WDR46: variants seen among roughly 807,000 people sequenced by gnomAD.
WDR46 encodes WD repeat-containing protein 46.
WDR46 carries 58 observed loss-of-function variants against 74.7 expected under a neutral mutation model. The ratio of observed to expected loss-of-function variants is 0.78; its 90% CI spans 0.63 to 0.97. The LOEUF (loss-of-function observed/expected upper bound fraction) is 0.97. Among genes scored for constraint, WDR46 ranks in the 50% least tolerant of loss-of-function variants. The pLI, the probability that WDR46 is intolerant of heterozygous loss-of-function variation, is 0.00. For missense variants in WDR46, 702 were observed against 790.1 expected (o/e 0.89, Z 1.34); for synonymous variants, 278 against 297.3 (o/e 0.93, Z 0.67).
In WDR46 at chr6:33,288,184, G is replaced by A; in HGVS notation, c.525C>T (p.Asp175=). 2 of 1,614,210 alleles carry A rather than the reference G, an allele frequency of 1.2e-6. No individual in the cohort carries two copies. The highest frequency in any genetic ancestry group is 1.7e-6 in the Non-Finnish European group (2 of 1,180,032). Residue 175 remains aspartate (D), a synonymous_variant, in exon 5 of 15, where the codon GAC becomes GAT. Coordinates refer to ENST00000374617, the MANE Select transcript of WDR46 (RefSeq NM_005452.6). ...TTGCAATGTCCACAGCCTCCACAATGTCAGCCTGGCATATCTTTGCTGTGT... is the reference window on the plus strand; with the variant it reads ...TTGCAATGTCCACAGCCTCCACAATATCAGCCTGGCATATCTTTGCTGTGT... The part of the protein sequence containing the change: ...GEDTAKICQA[D]IVEAVDIASA...
chr6:33,281,745 G>C (rs1766203913), intron 10 of WDR46, among the ~76,000 whole-genome samples: 1 of 152,216 alleles, frequency 6.6e-6, no homozygotes, highest in Non-Finnish European at 1.5e-5. Context: ...GCCCCTCTGT[G>C]TGCTTTCCCT....
At chr6:33,288,566 A>G in intron 3 of WDR46, 48 bp downstream of exon 3, 2 of 1,610,584 alleles carry the variant, frequency 1.2e-6, no homozygotes, top group Non-Finnish European at 1.7e-6. Context: ...CAACTCACCC[A>G]GACACTCCCT....
chr6:33,280,886 T>C lies in WDR46; in HGVS notation c.1217A>G (p.His406Arg), dbSNP rs1766117589. Residue 406 changes from histidine (H) to arginine (R), a missense_variant, in exon 11 of 15, where the codon CAC becomes CGC. Transcript: ENST00000374617. The part of the protein sequence containing the change: ...STRTLPHGAG[H>R]LAFSQRGLLV... ...CAGTCCCCTCTGGGAGAAGGCCAGG[T>C]GCCCTGCTCCATGGGGCAGGGTCCG... 6.2e-7 allele frequency: 1 copy of C among 1,614,192 alleles called. No individual in the cohort carries two copies. The highest frequency in any genetic ancestry group is 8.5e-7 in the Non-Finnish European group (1 of 1,180,032).
At position 33,287,180 on chromosome 6, in the gene WDR46, A is replaced by G. The variant is rs1269794871; in HGVS notation, c.926T>C (p.Ile309Thr). Residue 309 changes from isoleucine (I) to threonine (T), a missense_variant, in exon 9 of 15, where the codon ATT becomes ACT. Physicochemically the swap from Ile to Thr is moderately conservative, Grantham distance 89 (BLOSUM62 -1). Transcript: ENST00000374617. ...AGCTCGAGCATTCAGAGCTGCCACA[A>G]TCTTCCCCACTGACACATCCAGGTA... Reference protein sequence around the residue: ...LTYLDVSVGKIVAALNARAGR... With the variant: ...LTYLDVSVGKTVAALNARAGR... The G allele has an allele frequency of 6.2e-6, 10 of 1,613,638 alleles. No individual in the cohort carries two copies. The highest frequency in any genetic ancestry group is 8.5e-6 in the Non-Finnish European group (10 of 1,179,962).
intron 10 of WDR46, among the ~76,000 whole-genome samples, chr6:33,281,885 G>A (rs1766219536): frequency 6.6e-6 from 1 of 152,222 alleles, no homozygotes; most frequent in Non-Finnish European, 1.5e-5. Context: ...CCAAGCTGGA[G>A]TGCAGTGGCA....
At position 33,289,018 on chromosome 6, in the gene WDR46, A is replaced by G; in HGVS notation, c.70-5T>C. 2.5e-6 allele frequency: 4 copies of G among 1,613,874 alleles called. No individual in the cohort carries two copies. Among genetic ancestry groups the G allele is most frequent in the Non-Finnish European group, 3.4e-6 (4 of 1,179,890 alleles). ...CTCCCAGTATCGCCGCGGTTTCTAC[A>G]GGCACATCAGGAACTCCGCACTCAC... On this transcript the variant is annotated splice_polypyrimidine_tract_variant and splice_region_variant and intron_variant, in intron 1 of 14. Transcript: ENST00000374617.
Position 33,289,030 on chromosome 6 carries a change from A to G in WDR46, c.70-17T>C. ...CCGCGGTTTCTACAGGCACATCAGG[A>G]ACTCCGCACTCACGCCCCGCCCCCC... On this transcript the variant is annotated splice_polypyrimidine_tract_variant and intron_variant, in intron 1 of 14. Transcript: ENST00000374617. The G allele has an allele frequency of 1.2e-6, 2 of 1,612,690 alleles. No individual in the cohort carries two copies. The highest frequency in any genetic ancestry group is 1.3e-5 in the African/African-American group (1 of 74,834).
At position 33,288,894 on chromosome 6, in the gene WDR46, G is replaced by A. The variant is rs370125300; in HGVS notation, c.189C>T (p.Ile63=). 2 of 1,614,096 alleles carry A rather than the reference G, an allele frequency of 1.2e-6. No individual in the cohort carries two copies. Among genetic ancestry groups the A allele is most frequent in the Non-Finnish European group, 1.7e-6 (2 of 1,180,020 alleles). Residue 63 remains isoleucine, a synonymous_variant, in exon 2 of 15, where the codon ATC becomes ATT. Coordinates refer to ENST00000374617, the MANE Select transcript of WDR46 (RefSeq NM_005452.6). ...TCTTAGAGATCCGAGACTTCTTTAA[G>A]ATGTAAGCATTTTTTGGTCTCTGAG... is the stretch of plus-strand genomic sequence containing the variant. ...LRPQRPKNAY[I]LKKSRISKKP...
intron 10 of WDR46, among the ~76,000 whole-genome samples, chr6:33,282,757 G>C (rs1008976627): frequency 3.3e-5 from 5 of 151,988 alleles, no homozygotes; most frequent in African/African-American, 1.2e-4. Flanking sequence ...CCTAAGCACA[G>C]GAGTGGCTGA....
chr6:33,286,913 C>T lies in WDR46; in HGVS notation c.1016-19G>A. On this transcript the variant is annotated intron_variant, in intron 9 of 14. Coordinates refer to ENST00000374617, the MANE Select transcript of WDR46 (RefSeq NM_005452.6). ...ACAGTACCTGGAAGAGAAGAAGAAC[C>T]AAAGTTGCTAATACACACCTAAGCC... 6.2e-7 allele frequency: 1 copy of T among 1,613,342 alleles called. No individual in the cohort carries two copies. The highest frequency in any genetic ancestry group is 8.5e-7 in the Non-Finnish European group (1 of 1,179,434).
intron 9 of WDR46, 48 bp downstream of exon 9, chr6:33,287,043 G>C: frequency 6.3e-7 from 1 of 1,596,288 alleles, no homozygotes; most frequent in Non-Finnish European, 8.5e-7. Context: ...AAATATAGAA[G>C]AAAAGCAAGT....
At position 33,288,902 on chromosome 6, in the gene WDR46, C is replaced by A; in HGVS notation, c.181G>T (p.Ala61Ser). The stretch of plus-strand genomic sequence containing the variant: ...ATCCGAGACTTCTTTAAGATGTAAG[C>A]ATTTTTTGGTCTCTGAGGACGGAGC... ...RELRPQRPKN[A>S]YILKKSRISK... is the part of the protein sequence containing the mutation. The change falls in exon 2 of 15, where the codon GCT (alanine) becomes TCT (serine). Residue 61 changes from alanine to serine, a missense_variant. Ala to Ser is a moderately conservative substitution (Grantham distance 99). Coordinates refer to ENST00000374617, the MANE Select transcript of WDR46 (RefSeq NM_005452.6). 1.2e-6 allele frequency: 2 copies of A among 1,614,126 alleles called. No homozygotes were observed. The highest frequency in any genetic ancestry group is 1.7e-5 in the Admixed American group (1 of 60,004).
In WDR46 at chr6:33,288,669, G is replaced by A. The variant is rs1229388736; in HGVS notation, c.305C>T (p.Ala102Val). Residue 102 changes from alanine to valine, a missense_variant, in exon 3 of 15, where the codon GCC (alanine) becomes GTC (valine). By Grantham distance (64) the Ala-to-Val change is moderately conservative. Coordinates refer to ENST00000374617, the MANE Select transcript of WDR46 (RefSeq NM_005452.6). The part of the protein sequence containing the change: ...SGTQDPFPGP[A>V]PVPVEVVQKF... Reference sequence around the variant, plus strand: ...CTGGACCACTTCCACAGGGACGGGGGCGGGGCCTGGGAATGGATCTTGGGT... The same window carrying A: ...CTGGACCACTTCCACAGGGACGGGGACGGGGCCTGGGAATGGATCTTGGGT... 12 of 1,612,612 alleles carry A rather than the reference G, an allele frequency of 7.4e-6. No individual in the cohort carries two copies. The highest frequency in any genetic ancestry group is 1.0e-5 in the Non-Finnish European group (12 of 1,179,132).
intron 10 of WDR46, 121 bp downstream of exon 10, chr6:33,286,674 G>C: frequency 2.2e-6 from 2 of 914,144 alleles, no homozygotes; most frequent in Non-Finnish European, 3.4e-6. Flanking sequence ...CCCATCCGTG[G>C]TAACACTGCG....
intron 12 of WDR46, 146 bp downstream of exon 12, chr6:33,280,276 ACCTTCT>A: frequency 7.3e-6 from 5 of 684,376 alleles, no homozygotes; most frequent in Non-Finnish European, 7.4e-6. Context: ...GGGGAACCTG[ACCTTCT>A]CCAGCAGTGG....
intron 5 of WDR46, 41 bp from the exon 6 acceptor site, chr6:33,288,067 A>G (rs765435785): frequency 1.2e-6 from 2 of 1,613,956 alleles, no homozygotes; most frequent in Admixed American, 3.3e-5. Context: ...GCCCTGCAGT[A>G]ACGCCTTCTT....
In WDR46 at chr6:33,286,803, A is replaced by T. The variant is rs753783282; in HGVS notation, c.1107T>A (p.Ser369=). 1 of 1,614,106 alleles carries T rather than the reference A, an allele frequency of 6.2e-7. No individual in the cohort carries two copies. Among genetic ancestry groups the T allele is most frequent in the Non-Finnish European group, 8.5e-7 (1 of 1,180,022 alleles). The part of the protein sequence containing the change: ...RGGVRAVAVD[S]TGTYMATSGL... ...CCCCACCAGTGACTTACGTGCCTGT[A>T]GAATCTACTGCCACAGCCCGGACCC... The change falls in exon 10 of 15, where the codon TCT becomes TCA. Residue 369 remains serine (S), a synonymous_variant. Transcript: ENST00000374617.
At chr6:33,282,877 T>C (rs1766305012) in intron 10 of WDR46, among the ~76,000 whole-genome samples, 1 of 152,158 alleles carries the variant, frequency 6.6e-6, no homozygotes, top group African/African-American at 2.4e-5. Flanking sequence ...GGTATAAATA[T>C]GGAGTAAAAA....
At chr6:33,288,554 T>A in intron 3 of WDR46, 60 bp downstream of exon 3, 1 of 1,608,620 alleles carries the variant, frequency 6.2e-7, no homozygotes, top group East Asian at 2.2e-5. Context: ...CCAGCCTCCA[T>A]CCAACTCACC....
Sources: gnomAD v4.1 joint callset for allele counts (sites outside exome capture counted in the v4.1 genomes callset) on GRCh38, gnomAD v4.1.1 for gene constraint, MANE v1.5 for transcripts, NCBI Gene and HGNC (gene_info 2026-07-23, HGNC 2026-07-21) for gene names.